The following PAPPA2 variants were observed in gnomAD, a reference collection of about 807,000 sequenced individuals.
PAPPA2 encodes the protein pappalysin 2, also known as pappalysin-2.
In PAPPA2, 86 loss-of-function variants were observed where a neutral mutation model predicts 176.4. The ratio of observed to expected loss-of-function variants is 0.49; its 90% CI spans 0.41 to 0.58. PAPPA2 has a LOEUF of 0.58. PAPPA2 is among the 20% of genes least tolerant of loss of function. PAPPA2 has a pLI of 0.00. For missense variants in PAPPA2, 2,073 were observed against 2,256.9 expected (o/e 0.92, Z 1.65); for synonymous variants, 809 against 852.2 (o/e 0.95, Z 0.88).
chr1:176,515,903 G>A (rs908054548), intron 1 of PAPPA2, among the ~76,000 whole-genome samples: 1 of 152,076 alleles, frequency 6.6e-6, no homozygotes, highest in African/African-American at 2.4e-5. Context: ...ACTGAGTCTT[G>A]CACTAGGCAC....
At chr1:176,829,521 C>A (rs1667004994) in intron 21 of PAPPA2, among the ~76,000 whole-genome samples, 1 of 152,200 alleles carries the variant, frequency 6.6e-6, no homozygotes, top group Non-Finnish European at 1.5e-5. Flanking sequence ...CAGCTCAGGC[C>A]TGCCTCAGCC....
chr1:176,577,234 C>T (rs1384577705), intron 2 of PAPPA2, among the ~76,000 whole-genome samples: 1 of 152,160 alleles, frequency 6.6e-6, no homozygotes, highest in Non-Finnish European at 1.5e-5. Context: ...TCTCACCATT[C>T]TATGTTTTCC....
chr1:176,558,835 G>A lies in PAPPA2; in HGVS notation c.919+1594G>A, dbSNP rs543537544. 5.3e-5 allele frequency among the ~76,000 whole-genome samples: 8 copies of A among 152,230 alleles called. No homozygotes were observed. In the South Asian group the frequency reaches 1.5e-3, roughly 28 times the overall value. On this transcript the variant is annotated intron_variant, in intron 2 of 22. Transcript: ENST00000367662. ...GACTCTGCTTACCCCTCCTCTTGCA[G>A]TAGCAACATAAAGACCGGGGATCAA...
chr1:176,595,020 T>G lies in PAPPA2; in HGVS notation c.1416T>G (p.Asp472Glu), dbSNP rs548209556. Residue 472 changes from aspartate to glutamate, a missense_variant, in exon 3 of 23, where the codon GAT becomes GAG. Transcript: ENST00000367662. ...PVNTEWVPFR[D>E]EKYPRLEVLQ... Reference sequence around the variant, plus strand: ...ACACAGAGTGGGTTCCCTTTAGAGATGAGAAGTACCCACGACTTGAGGTTC... The same window carrying G: ...ACACAGAGTGGGTTCCCTTTAGAGAGGAGAAGTACCCACGACTTGAGGTTC... The G allele has an allele frequency of 3.5e-5, 57 of 1,613,956 alleles. No homozygotes were observed. In the Admixed American group the frequency reaches 5.8e-4, roughly 17 times the overall value.
chr1:176,654,429 CA>C (rs1657913040), intron 3 of PAPPA2, among the ~76,000 whole-genome samples: 1 of 149,142 alleles, frequency 6.7e-6, no homozygotes, highest in African/African-American at 2.4e-5. Flanking sequence ...GTATTTATAT[CA>C]GATATAATAC....
intron 3 of PAPPA2, among the ~76,000 whole-genome samples, chr1:176,640,354 C>T (rs1012547296): frequency 1.1e-4 from 14 of 121,862 alleles, no homozygotes; most frequent in Admixed American, 8.2e-4. Context: ...CCCCCCACCC[C>T]ACAACAGTCC....
In PAPPA2 at chr1:176,842,377, T is replaced by G. The variant is rs763973003; in HGVS notation, c.5302-3T>G. The stretch of plus-strand genomic sequence containing the variant: ...TATTTCTACTTCCCTTTCATTCCCC[T>G]AGGTCATTCCATTTGCTGCTGACTG... On this transcript the variant is annotated splice_region_variant and splice_polypyrimidine_tract_variant and intron_variant, in intron 22 of 22. Coordinates refer to ENST00000367662, the MANE Select transcript of PAPPA2 (RefSeq NM_020318.3). 56 of 1,612,548 alleles carry G rather than the reference T, an allele frequency of 3.5e-5. No individual in the cohort carries two copies. Among genetic ancestry groups the G allele is most frequent in the Non-Finnish European group, 4.7e-5 (55 of 1,178,940 alleles).
chr1:176,844,626 T>G lies in PAPPA2; in HGVS notation c.*2172T>G, dbSNP rs1421525732. 1 of 152,214 alleles carries G rather than the reference T, an allele frequency of 6.6e-6. No homozygotes were observed. The highest frequency in any genetic ancestry group is 6.5e-5 in the Admixed American group (1 of 15,282). 9.4% of individuals were successfully genotyped at this position (152,214 alleles called of 1,614,324 possible). A position where few individuals can be genotyped will look rare whatever the true frequency, so the allele number is the denominator to read the frequency against. On this transcript the variant is annotated 3_prime_UTR_variant, in exon 23 of 23. Transcript: ENST00000367662. ...AACATATTTATTCTTGGGATTCTGA[T>G]AGGCTTCAATATGCAAAGGACAATG...
intron 1 of PAPPA2, among the ~76,000 whole-genome samples, chr1:176,482,968 T>A (rs893739147): frequency 6.6e-6 from 1 of 152,152 alleles, no homozygotes; most frequent in Non-Finnish European, 1.5e-5. Context: ...AGAGCTCTAG[T>A]ACCATGAATT....
chr1:176,813,976 G>A (rs1666278267), intron 21 of PAPPA2, among the ~76,000 whole-genome samples: 1 of 152,130 alleles, frequency 6.6e-6, no homozygotes, highest in Non-Finnish European at 1.5e-5. Context: ...TGTAAGGAAG[G>A]GGTCCAGTTT....
At chr1:176,491,398 T>A (rs192448073) in intron 1 of PAPPA2, among the ~76,000 whole-genome samples, 137 of 152,298 alleles carry the variant, frequency 9.0e-4, no homozygotes, top group African/African-American at 3.2e-3. Flanking sequence ...AGGCTGGGCT[T>A]GAACATAAGC....
intron 14 of PAPPA2, among the ~76,000 whole-genome samples, chr1:176,741,803 A>G (rs1353103181): frequency 2.0e-5 from 3 of 152,186 alleles, no homozygotes; most frequent in African/African-American, 7.2e-5. Context: ...CCAAATATTA[A>G]CACAAGAATG....
chr1:176,636,923 C>G (rs897239729), intron 3 of PAPPA2, among the ~76,000 whole-genome samples: 2 of 152,014 alleles, frequency 1.3e-5, no homozygotes, highest in Admixed American at 1.3e-4. Context: ...AAATAGAAAT[C>G]TGAAACAATG....
intron 3 of PAPPA2, among the ~76,000 whole-genome samples, chr1:176,634,957 AG>A (rs1656600912): frequency 8.0e-6 from 1 of 124,254 alleles, no homozygotes; most frequent in African/African-American, 3.1e-5. Flanking sequence ...GTAGATAGAT[AG>A]ATAGATAAAT....
In PAPPA2 at chr1:176,690,332, C is replaced by T; in HGVS notation, c.2333C>T (p.Pro778Leu). Residue 778 changes from proline (P) to leucine (L), a missense_variant, in exon 5 of 23, where the codon CCC (proline) becomes CTC (leucine). Physicochemically the swap from Pro to Leu is moderately conservative, Grantham distance 98. Coordinates refer to ENST00000367662, the MANE Select transcript of PAPPA2 (RefSeq NM_020318.3). ...GDLCADTAPT[P>L]KSELCREPEP... ...CTCTGTGCCGACACCGCCCCCACTC[C>T]CAAGAGTGAGCTGTGCCGGGAACCA... The T allele has an allele frequency of 6.2e-7, 1 of 1,614,140 alleles. No homozygotes were observed. The highest frequency in any genetic ancestry group is 8.5e-7 in the Non-Finnish European group (1 of 1,180,016).
rs562468547 is a variant in PAPPA2, at chr1:176,627,202, A to G, written c.1991+31607A>G. ...ATTACTCAAGTGATTTTAGCTATAC[A>G]GACTTGATAACATTCATATGTGTCC... On this transcript the variant is annotated intron_variant, in intron 3 of 22. Coordinates refer to ENST00000367662, the MANE Select transcript of PAPPA2 (RefSeq NM_020318.3). 3.9e-5 allele frequency among the ~76,000 whole-genome samples: 6 copies of G among 152,342 alleles called. No individual in the cohort carries two copies. In the East Asian group the frequency reaches 9.7e-4, roughly 25 times the overall value.
intron 1 of PAPPA2, among the ~76,000 whole-genome samples, chr1:176,479,691 C>A (rs1050638529): frequency 6.6e-6 from 1 of 152,156 alleles, no homozygotes; most frequent in African/African-American, 2.4e-5. Flanking sequence ...TTCTTCTTGT[C>A]AGTCATCTAC....
In PAPPA2 at chr1:176,742,727, G is replaced by A. The variant is rs114098547; in HGVS notation, c.4151+2531G>A. On this transcript the variant is annotated intron_variant, in intron 14 of 22. Transcript: ENST00000367662. ...AAGAGTCAAAGTGTTTTTGCAGCCTGTGTCTGTCACAGTTGTATATGTAGA... is the reference window on the plus strand; with the variant it reads ...AAGAGTCAAAGTGTTTTTGCAGCCTATGTCTGTCACAGTTGTATATGTAGA... Among the ~76,000 whole-genome samples, 704 of 152,232 alleles carry A rather than the reference G, an allele frequency of 4.6e-3. 8 individuals are homozygous for A. Among genetic ancestry groups the A allele is most frequent in the African/African-American group, 0.016 (673 of 41,542 alleles).
chr1:176,585,303 C>T (rs1249688651), intron 2 of PAPPA2, among the ~76,000 whole-genome samples: 7 of 151,470 alleles, frequency 4.6e-5, no homozygotes, highest in Non-Finnish European at 1.0e-4. Context: ...TCTTTTAGTA[C>T]TTCGAATATT....
Sources: gnomAD v4.1 joint callset for allele counts (sites outside exome capture counted in the v4.1 genomes callset) on GRCh38, gnomAD v4.1.1 for gene constraint, MANE v1.5 for transcripts, NCBI Gene and HGNC (gene_info 2026-07-23, HGNC 2026-07-21) for gene names.